MFAP3L: variants seen among roughly 807,000 people sequenced by gnomAD.
The protein encoded by MFAP3L is microfibrillar-associated protein 3-like.
Under a neutral mutation model 20.0 loss-of-function variants are expected in MFAP3L, and 5 were observed. That is an observed-to-expected ratio of 0.25 (90% CI 0.13 to 0.53). MFAP3L has a LOEUF of 0.53. Among genes scored for constraint, MFAP3L ranks in the 20% least tolerant of loss-of-function variants. The pLI is 0.96. For synonymous variants in MFAP3L, 219 were observed against 213.0 expected (o/e 1.03, Z -0.25); for missense variants, 409 against 527.5 (o/e 0.78, Z 2.20).
At chr4:170,021,166 C>A (rs1264047301) in intron 1 of MFAP3L, among the ~76,000 whole-genome samples, 3 of 152,190 alleles carry the variant, frequency 2.0e-5, no homozygotes, top group African/African-American at 7.2e-5. Context: ...GCACAGTATT[C>A]CAAAGGCCAC....
chr4:170,002,182 C>G (rs1231697690), intron 2 of MFAP3L: 1 of 985,120 alleles, frequency 1.0e-6, no homozygotes, highest in Non-Finnish European at 1.2e-6. Context: ...CTCATATTCA[C>G]TCAGTCTGAG....
At chr4:170,016,908 A>G (rs1739733804) in intron 1 of MFAP3L, among the ~76,000 whole-genome samples, 2 of 152,162 alleles carry the variant, frequency 1.3e-5, no homozygotes, top group Admixed American at 1.3e-4. Context: ...GCCTGTGAAC[A>G]GAGGCTCAGG....
chr4:169,991,643 T>G lies in MFAP3L; in HGVS notation c.965A>C (p.His322Pro). ...TGCATGCTCTTTTTTGGACTGCGGG[T>G]GAACTGACACCTTGATGGCAATTTG... ...PQQIAIKVSV[H>P]PQSKKEHADD... Residue 322 changes from histidine to proline, a missense_variant, in exon 3 of 3, where the codon CAC becomes CCC. Transcript: ENST00000361618. This position sits in a 1 kb window ranked among gnomAD's most constrained non-coding sequence, Gnocchi z 4.9. 6.2e-7 allele frequency: 1 copy of G among 1,614,138 alleles called. No homozygotes were observed. The highest frequency in any genetic ancestry group is 8.5e-7 in the Non-Finnish European group (1 of 1,180,032).
At chr4:170,021,689 G>A (rs1740046793) in intron 1 of MFAP3L, among the ~76,000 whole-genome samples, 1 of 152,206 alleles carries the variant, frequency 6.6e-6, no homozygotes, top group South Asian at 2.1e-4. Flanking sequence ...TCTGGACACA[G>A]AGATGTCAAT....
chr4:170,026,856 C>T (rs1730477333), upstream of MFAP3L: 1 of 152,314 alleles, frequency 6.6e-6, no homozygotes, highest in East Asian at 1.9e-4. Flanking sequence ...ACCCCCAAGC[C>T]TACCCTGTCT....
chr4:170,018,941 A>T lies in MFAP3L; in HGVS notation c.-134+7293T>A, dbSNP rs548431660. On this transcript the variant is annotated intron_variant, in intron 1 of 2. Transcript: ENST00000361618. The stretch of plus-strand genomic sequence containing the variant: ...AGCAGCAATTTTCAAGATGAACTTC[A>T]TAACAGCAGCTGAGAAGCAAGAACG... 1.3e-4 allele frequency among the ~76,000 whole-genome samples: 20 copies of T among 152,346 alleles called. No individual in the cohort carries two copies. In the South Asian group the frequency reaches 4.1e-3, roughly 32 times the overall value.
At chr4:170,013,925 G>A (rs1433640809) in intron 1 of MFAP3L, among the ~76,000 whole-genome samples, 2 of 152,206 alleles carry the variant, frequency 1.3e-5, no homozygotes, top group Non-Finnish European at 2.9e-5. Context: ...GATGATCCAA[G>A]GAATTAGCCA....
intron 1 of MFAP3L, among the ~76,000 whole-genome samples, chr4:170,018,528 G>C (rs1452397391): frequency 6.6e-6 from 1 of 152,160 alleles, no homozygotes; most frequent in Non-Finnish European, 1.5e-5. Flanking sequence ...TGGAGGTAGT[G>C]ATGAGATGCC....
In MFAP3L at chr4:169,991,332, A is replaced by C. The variant is rs773671806; in HGVS notation, c.*46T>G. ...TGCGTACTACATCTGTATTACAAGG[A>C]GCAGCCCCTGATTTTCTTGATATGC... On this transcript the variant is annotated 3_prime_UTR_variant, in exon 3 of 3. Transcript: ENST00000361618. This position sits in a 1 kb window ranked among gnomAD's most constrained non-coding sequence, Gnocchi z 4.9. 6.4e-7 allele frequency: 1 copy of C among 1,569,256 alleles called. No homozygotes were observed. Among genetic ancestry groups the C allele is most frequent in the South Asian group, 1.2e-5 (1 of 84,050 alleles).
At chr4:170,003,981 G>C (rs746927892) in intron 2 of MFAP3L, among the ~76,000 whole-genome samples, 9 of 152,146 alleles carry the variant, frequency 5.9e-5, no homozygotes, top group Non-Finnish European at 1.2e-4. Context: ...AATTGAGACA[G>C]AGTCTCACTC....
At position 169,989,737 on chromosome 4, in the gene MFAP3L, C is replaced by T. The variant is rs915649876; in HGVS notation, c.*1641G>A. 3.9e-5 allele frequency: 6 copies of T among 152,176 alleles called. No homozygotes were observed. The highest frequency in any genetic ancestry group is 1.2e-4 in the African/African-American group (5 of 41,450). The allele number at this position is 152,176 out of a possible 1,614,324, so 9.4% of individuals were successfully genotyped here. ...AATCTTGGACATCATAACCCCATTA[C>T]CTGATGTGGCCACGGCCCCTATGAA... On this transcript the variant is annotated 3_prime_UTR_variant, in exon 3 of 3. Coordinates refer to ENST00000361618, the MANE Select transcript of MFAP3L (RefSeq NM_021647.8).
intron 1 of MFAP3L, among the ~76,000 whole-genome samples, chr4:170,017,374 T>C (rs1184939802): frequency 1.1e-4 from 17 of 152,212 alleles, no homozygotes; most frequent in Admixed American, 1.1e-3. Context: ...TAACTCCCCT[T>C]ACAATTCACC....
At chr4:169,993,735 T>C (rs1235459461) in intron 2 of MFAP3L, 1 of 150,576 alleles carries the variant, frequency 6.6e-6, no homozygotes, top group Non-Finnish European at 1.5e-5. Context: ...CACATGACTG[T>C]GCCTTCTGAA....
intron 2 of MFAP3L, among the ~76,000 whole-genome samples, chr4:169,996,766 G>A (rs975932170): frequency 6.6e-6 from 1 of 152,100 alleles, no homozygotes; most frequent in Admixed American, 6.6e-5. Flanking sequence ...TATCCTGCAG[G>A]AGACCTGGAG....
chr4:170,002,535 G>C (rs984423988), intron 2 of MFAP3L, among the ~76,000 whole-genome samples: 1 of 151,898 alleles, frequency 6.6e-6, no homozygotes, highest in Non-Finnish European at 1.5e-5. Context: ...TTTTCAGACA[G>C]AGTCTCGTTC....
chr4:169,991,609 T>G lies in MFAP3L; in HGVS notation c.999A>C (p.Gln333His). 1.2e-6 allele frequency: 2 copies of G among 1,614,198 alleles called. No homozygotes were observed. The highest frequency in any genetic ancestry group is 8.5e-7 in the Non-Finnish European group (1 of 1,180,038). ...CTTTGACTTCAAACTGTCCACCCTC[T>G]TGGTCATCTGCATGCTCTTTTTTGG... The part of the protein sequence containing the change: ...PQSKKEHADD[Q>H]EGGQFEVKDV... The change falls in exon 3 of 3, where the codon CAA becomes CAC. Residue 333 changes from glutamine (Q) to histidine (H), a missense_variant. Around this residue, in one of 3 missense-constraint regions of MFAP3L, gnomAD observed 169 missense variants for 178.2 expected, o/e 0.95. Coordinates refer to ENST00000361618, the MANE Select transcript of MFAP3L (RefSeq NM_021647.8). The surrounding 1 kb of genome is among the most constrained non-coding windows in gnomAD (Gnocchi z 4.9).
At chr4:170,004,104 G>A (rs1340610739) in intron 2 of MFAP3L, among the ~76,000 whole-genome samples, 1 of 152,076 alleles carries the variant, frequency 6.6e-6, no homozygotes, top group Non-Finnish European at 1.5e-5. Flanking sequence ...TTACAGGCAC[G>A]TGCCACCATG....
At chr4:170,001,529 T>C (rs1738616855) in intron 2 of MFAP3L, among the ~76,000 whole-genome samples, 1 of 152,218 alleles carries the variant, frequency 6.6e-6, no homozygotes, top group African/African-American at 2.4e-5. Context: ...CAGCTGACTT[T>C]CTTGAAATCC....
At chr4:170,023,808 T>C (rs1257086717) in intron 1 of MFAP3L, among the ~76,000 whole-genome samples, 1 of 152,234 alleles carries the variant, frequency 6.6e-6, no homozygotes, top group Non-Finnish European at 1.5e-5. Flanking sequence ...TATCTAAAAG[T>C]TCTTGCATTA....
Sources: allele counts gnomAD v4.1 joint callset (sites outside exome capture counted in the v4.1 genomes callset), GRCh38; gene constraint gnomAD v4.1.1; regional missense constraint gnomAD v4.1.1; non-coding constraint Gnocchi (gnomAD v3.1); transcripts MANE v1.5; gene names NCBI Gene and HGNC (gene_info 2026-07-23, HGNC 2026-07-21).